Variants in WDR25 observed in about 807,000 individuals in gnomAD.
WDR25 encodes WD repeat-containing protein 25.
Under a neutral mutation model 47.7 loss-of-function variants are expected in WDR25, and 35 were observed. The observed-to-expected ratio is 0.73, with a 90% CI of 0.56 to 0.97. WDR25 has a LOEUF of 0.97. Among genes scored for constraint, WDR25 ranks in the 50% least tolerant of loss-of-function variants. The pLI, the probability that WDR25 is intolerant of heterozygous loss-of-function variation, is 0.00. For missense variants in WDR25, 634 were observed against 704.7 expected, an observed-to-expected ratio of 0.90 and a Z score of 1.14; for synonymous variants, 248 against 278.9, an observed-to-expected ratio of 0.89 and a Z score of 1.10.
At chr14:100,434,493 A>G (rs1165328985) in intron 2 of WDR25, among the ~76,000 whole-genome samples, 1 of 152,244 alleles carries the variant, frequency 6.6e-6, no homozygotes, top group Non-Finnish European at 1.5e-5. Flanking sequence ...CTGAGAGCAT[A>G]TAGTCCACAT....
chr14:100,520,356 A>G (rs1901677143), intron 4 of WDR25, among the ~76,000 whole-genome samples: 1 of 152,094 alleles, frequency 6.6e-6, no homozygotes, highest in African/African-American at 2.4e-5. Flanking sequence ...ACATTTTTAA[A>G]CTTCCATCTG....
rs1391842464 is a variant in WDR25, at chr14:100,502,298, A to G, written c.1101+18174A>G. Among the ~76,000 whole-genome samples the G allele has an allele frequency of 1.3e-5, 2 of 152,146 alleles. No individual in the cohort carries two copies. The highest frequency in any genetic ancestry group is 2.9e-5 in the Non-Finnish European group (2 of 68,006). ...TCATAACTTCCCTGCTTAAGGGGAA[A>G]GGCCTTAAGGCTCTCATGAGCCCCC... On this transcript the variant is annotated intron_variant, in intron 4 of 6. Transcript: ENST00000402312. The surrounding 1 kb of genome is among the most constrained non-coding windows in gnomAD (Gnocchi z 4.5).
chr14:100,519,766 A>AGT (rs1016295376), intron 4 of WDR25, among the ~76,000 whole-genome samples: 1 of 139,180 alleles, frequency 7.2e-6, no homozygotes, highest in Non-Finnish European at 1.5e-5. Context: ...GTGTATATAT[A>AGT]GTATATATAT....
At chr14:100,461,106 CG>C (rs1169149067) in intron 2 of WDR25, among the ~76,000 whole-genome samples, 2 of 152,146 alleles carry the variant, frequency 1.3e-5, no homozygotes, top group African/African-American at 4.8e-5. Flanking sequence ...CCCAGCTCCT[CG>C]GAAGGCTGAG....
chr14:100,378,031 C>A lies in WDR25; in HGVS notation c.-16+1536C>A, dbSNP rs12897338. ...CTGTTCCACCGCGCCCTCTGCTGTC[C>A]TAGGAGTGCCTAGCACCCTTCTTTT... On this transcript the variant is annotated intron_variant, in intron 1 of 6. Coordinates refer to ENST00000402312, the MANE Select transcript of WDR25 (RefSeq NM_001161476.3). 6.6e-5 allele frequency among the ~76,000 whole-genome samples: 10 copies of A among 152,102 alleles called. No individual in the cohort carries two copies. The East Asian group carries it at 1.2e-3, about 18-fold the overall frequency.
At chr14:100,446,136 G>A (rs1211772061) in intron 2 of WDR25, among the ~76,000 whole-genome samples, 1 of 152,218 alleles carries the variant, frequency 6.6e-6, no homozygotes, top group African/African-American at 2.4e-5. Context: ...TAGCCATGAA[G>A]CTCAGTTGGA....
At chr14:100,483,445 ACT>A (rs1900273818) in intron 3 of WDR25, among the ~76,000 whole-genome samples, 1 of 152,100 alleles carries the variant, frequency 6.6e-6, no homozygotes, top group Admixed American at 6.5e-5. Context: ...CATGATGGCC[ACT>A]CTCATTTATC....
chr14:100,445,246 C>T (rs763409784), intron 2 of WDR25, among the ~76,000 whole-genome samples: 6 of 152,200 alleles, frequency 3.9e-5, no homozygotes, highest in East Asian at 1.9e-4. Flanking sequence ...GATTCGGTTA[C>T]ACTTTATTAC....
chr14:100,461,203 G>A (rs750210007), intron 2 of WDR25, among the ~76,000 whole-genome samples: 4 of 152,128 alleles, frequency 2.6e-5, no homozygotes, highest in Admixed American at 1.3e-4. Flanking sequence ...GTAACAGAGC[G>A]AGACCCTGAC....
Position 100,384,250 on chromosome 14 carries a change from G to A in WDR25, c.822+2504G>A, listed in dbSNP as rs1014996534. On this transcript the variant is annotated intron_variant, in intron 2 of 6. Transcript: ENST00000402312. ...GTCGTGAACATTAGGGCTTTTATAA[G>A]CCATAGATACAAATGGTGGGCCAGG... is the stretch of plus-strand genomic sequence containing the variant. 2.6e-5 allele frequency among the ~76,000 whole-genome samples: 4 copies of A among 152,372 alleles called. No individual in the cohort carries two copies. In the South Asian group the frequency reaches 8.3e-4, roughly 32 times the overall value.
intron 4 of WDR25, among the ~76,000 whole-genome samples, chr14:100,512,964 C>A: frequency 6.6e-6 from 1 of 152,114 alleles, no homozygotes; most frequent in East Asian, 1.9e-4. Context: ...TATTTGAATT[C>A]TTTTAAATTT....
rs1265401326 is a variant in WDR25, at chr14:100,459,919, T to C, written c.823-8102T>C. Among the ~76,000 whole-genome samples, 3 of 103,158 alleles carry C rather than the reference T, an allele frequency of 2.9e-5. 1 individual carries two copies. The highest frequency in any genetic ancestry group is 1.3e-4 in the African/African-American group (3 of 22,852). The allele number at this position is 103,158 out of a possible 152,430, so 67.7% of individuals were successfully genotyped here. ...GTATATATATATATATATATATATA[T>C]ATATATATATATATATATATACACA... On this transcript the variant is annotated intron_variant, in intron 2 of 6. Transcript: ENST00000402312.
intron 2 of WDR25, among the ~76,000 whole-genome samples, chr14:100,427,072 G>A (rs759610757): frequency 1.3e-5 from 2 of 152,088 alleles, no homozygotes; most frequent in Non-Finnish European, 2.9e-5. Context: ...AAGGCCTTCT[G>A]GAACCTGTCC....
At chr14:100,413,437 G>A (rs1897768931) in intron 2 of WDR25, among the ~76,000 whole-genome samples, 1 of 148,528 alleles carries the variant, frequency 6.7e-6, no homozygotes, top group East Asian at 2.0e-4. Context: ...TTTTTGAGAC[G>A]GAGTCTCGCT....
Position 100,428,361 on chromosome 14 carries a change from G to A in WDR25, c.823-39660G>A, listed in dbSNP as rs1898229873. On this transcript the variant is annotated intron_variant, in intron 2 of 6. Transcript: ENST00000402312. This position sits in a 1 kb window ranked among gnomAD's most constrained non-coding sequence, Gnocchi z 4.3. ...CTTCCTGGTGTGTGTAGCGAGCCTG[G>A]TCAGAGCATGGCGTCTGGAGTCAGG... Among the ~76,000 whole-genome samples the A allele has an allele frequency of 6.6e-6, 1 of 152,200 alleles. No individual in the cohort carries two copies. Among genetic ancestry groups the A allele is most frequent in the African/African-American group, 2.4e-5 (1 of 41,450 alleles).
At chr14:100,462,794 T>A (rs1899459167) in intron 2 of WDR25, among the ~76,000 whole-genome samples, 1 of 151,904 alleles carries the variant, frequency 6.6e-6, no homozygotes. Flanking sequence ...TCCTCCTCCC[T>A]CCGTCCTCTC....
At chr14:100,466,724 A>C (rs1425693600) in intron 2 of WDR25, among the ~76,000 whole-genome samples, 2 of 152,212 alleles carry the variant, frequency 1.3e-5, no homozygotes, top group Non-Finnish European at 2.9e-5. Context: ...TGACTCCCAC[A>C]CGCTGGCTGC....
At chr14:100,447,247 A>G (rs1480226516) in intron 2 of WDR25, among the ~76,000 whole-genome samples, 1 of 152,198 alleles carries the variant, frequency 6.6e-6, no homozygotes, top group Non-Finnish European at 1.5e-5. Flanking sequence ...ATTTGTCCTT[A>G]GGTGACTTTT....
Position 100,407,129 on chromosome 14 carries a change from G to C in WDR25, c.822+25383G>C, listed in dbSNP as rs763920464. Reference sequence around the variant, plus strand: ...AGATCAATGCCTGGGCTGAGCCTGCGGTTAACATCTTAATAGTAACCGGAG... The same window carrying C: ...AGATCAATGCCTGGGCTGAGCCTGCCGTTAACATCTTAATAGTAACCGGAG... On this transcript the variant is annotated intron_variant, in intron 2 of 6. Coordinates refer to ENST00000402312, the MANE Select transcript of WDR25 (RefSeq NM_001161476.3). The surrounding 1 kb of genome is among the most constrained non-coding windows in gnomAD (Gnocchi z 4.1). 6.6e-6 allele frequency: 1 copy of C among 152,210 alleles called. No homozygotes were observed. Among genetic ancestry groups the C allele is most frequent in the Non-Finnish European group, 1.5e-5 (1 of 68,048 alleles). The allele number at this position is 152,210 out of a possible 1,614,324, so 9.4% of individuals were successfully genotyped here. A position where few individuals can be genotyped will look rare whatever the true frequency, so the allele number is the denominator to read the frequency against.
Sources: allele counts gnomAD v4.1 joint callset (sites outside exome capture counted in the v4.1 genomes callset), GRCh38; gene constraint gnomAD v4.1.1; non-coding constraint Gnocchi (gnomAD v3.1); transcripts MANE v1.5; gene names NCBI Gene and HGNC (gene_info 2026-07-23, HGNC 2026-07-21).